The following FBXO42 variants were observed in gnomAD, a reference collection of about 807,000 sequenced individuals.
FBXO42 encodes F-box protein 42.
FBXO42 carries 12 observed loss-of-function variants against 71.7 expected under a neutral mutation model. The ratio of observed to expected loss-of-function variants is 0.17; its 90% CI spans 0.11 to 0.27. The LOEUF is 0.27. Ranked by LOEUF, FBXO42 falls within the 10% of genes least tolerant of loss-of-function variation. FBXO42 has a pLI of 1.00. For synonymous variants in FBXO42, 325 were observed against 327.5 expected, an observed-to-expected ratio of 0.99 and a Z score of 0.08; for missense variants, 707 against 911.9, an observed-to-expected ratio of 0.78 and a Z score of 2.89.
intron 1 of FBXO42, among the ~76,000 whole-genome samples, chr1:16,340,069 G>A (rs557007271): frequency 5.9e-5 from 9 of 152,146 alleles, no homozygotes; most frequent in African/African-American, 2.2e-4. Flanking sequence ...CCCAGCTCTT[G>A]GGAGGCTGAG....
At chr1:16,337,876 T>TC (rs1309493745) in intron 1 of FBXO42, among the ~76,000 whole-genome samples, 2 of 42,182 alleles carry the variant, frequency 4.7e-5, no homozygotes, top group East Asian at 5.3e-3. Context: ...AGAGCGAGAC[T>TC]CCGTCTCAAA....
chr1:16,259,291 G>A (rs1248515475), intron 4 of FBXO42, among the ~76,000 whole-genome samples: 1 of 152,124 alleles, frequency 6.6e-6, no homozygotes, highest in African/African-American at 2.4e-5. Flanking sequence ...ACCAGACAAA[G>A]CTTCCAAGTT....
chr1:16,348,005 A>G (rs1171158344), intron 1 of FBXO42, among the ~76,000 whole-genome samples: 5 of 144,898 alleles, frequency 3.5e-5, no homozygotes, highest in Admixed American at 2.7e-4. Context: ...AAAAAAAAAA[A>G]AAAAGAAAAA....
At chr1:16,269,107 C>CT (rs111496206) in intron 4 of FBXO42, among the ~76,000 whole-genome samples, 23 of 132,978 alleles carry the variant, frequency 1.7e-4, no homozygotes, top group African/African-American at 5.0e-4. Context: ...CCGCACCTGG[C>CT]TTTTTTTTTT....
At chr1:16,330,843 G>A (rs574331434) in intron 1 of FBXO42, among the ~76,000 whole-genome samples, 3 of 152,242 alleles carry the variant, frequency 2.0e-5, no homozygotes, top group South Asian at 4.1e-4. Flanking sequence ...TCAGGAGGCT[G>A]AGGCAGGAGA....
chr1:16,352,417 T>G lies in FBXO42; in HGVS notation c.-180A>C. ...CCCGAGCCGCCCGGAGCCGCCATCT[T>G]CCTCCACTCAAACGCCGCCGCCGCC... On this transcript the variant is annotated 5_prime_UTR_variant, in exon 1 of 10. Transcript: ENST00000375592. 2.5e-6 allele frequency: 1 copy of G among 399,162 alleles called. No homozygotes were observed. The highest frequency in any genetic ancestry group is 4.4e-6 in the Non-Finnish European group (1 of 226,848). 24.7% of individuals were successfully genotyped at this position (399,162 alleles called of 1,614,324 possible).
At chr1:16,304,638 A>AAC (rs944868031) in intron 3 of FBXO42, among the ~76,000 whole-genome samples, 6 of 152,258 alleles carry the variant, frequency 3.9e-5, no homozygotes, top group African/African-American at 1.4e-4. Context: ...CGCTAAGCAT[A>AAC]ACACCTTGAC....
chr1:16,315,272 C>T lies in FBXO42; in HGVS notation c.147G>A (p.Glu49=). 1 of 1,614,160 alleles carries T rather than the reference C, an allele frequency of 6.2e-7. No homozygotes were observed. Among genetic ancestry groups the T allele is most frequent in the Non-Finnish European group, 8.5e-7 (1 of 1,180,028 alleles). ...EETRHNRSMS[E]LPEEVLEYIL... ...TATACTCCAAAACCTCTTCTGGCAG[C>T]TCCGACATGGACCTATTATGTCTAG... Residue 49 remains glutamate, a synonymous_variant, in exon 2 of 10, where the codon GAG becomes GAA. Transcript: ENST00000375592.
chr1:16,335,766 C>T (rs1256207067), intron 1 of FBXO42, among the ~76,000 whole-genome samples: 1 of 150,326 alleles, frequency 6.7e-6, no homozygotes, highest in Non-Finnish European at 1.5e-5. Flanking sequence ...ACTAAGGAGG[C>T]TGAGGCAGGA....
At chr1:16,257,434 T>C (rs1456424963) in intron 4 of FBXO42, among the ~76,000 whole-genome samples, 1 of 152,096 alleles carries the variant, frequency 6.6e-6, no homozygotes, top group Non-Finnish European at 1.5e-5. Context: ...ACCATAAGTC[T>C]TACACCAAAC....
At chr1:16,298,806 G>A (rs1013581121) in intron 3 of FBXO42, among the ~76,000 whole-genome samples, 1 of 151,458 alleles carries the variant, frequency 6.6e-6, no homozygotes, top group Non-Finnish European at 1.5e-5. Flanking sequence ...CACCGCGCCC[G>A]GCCAATGTCC....
At chr1:16,298,165 G>T (rs577430075) in intron 3 of FBXO42, among the ~76,000 whole-genome samples, 18 of 152,258 alleles carry the variant, frequency 1.2e-4, no homozygotes, top group African/African-American at 4.1e-4. Context: ...GGTGGAGGTT[G>T]CAGCGAGCTG....
chr1:16,275,660 T>G (rs1434702055), intron 4 of FBXO42, among the ~76,000 whole-genome samples: 1 of 152,058 alleles, frequency 6.6e-6, no homozygotes, highest in Non-Finnish European at 1.5e-5. Flanking sequence ...TAAAAAGCCA[T>G]AGTTCAAGAG....
intron 3 of FBXO42, among the ~76,000 whole-genome samples, chr1:16,297,727 C>T (rs1341360574): frequency 6.6e-6 from 1 of 151,930 alleles, no homozygotes; most frequent in African/African-American, 2.4e-5. Flanking sequence ...ATTAGCCGGG[C>T]GTGGTGGCAG....
chr1:16,327,656 G>T (rs2082462779), intron 1 of FBXO42, among the ~76,000 whole-genome samples: 1 of 152,194 alleles, frequency 6.6e-6, no homozygotes, highest in African/African-American at 2.4e-5. Context: ...AGAGCTTGAT[G>T]AATTACTGCA....
At chr1:16,325,854 G>T (rs1211196056) in intron 1 of FBXO42, among the ~76,000 whole-genome samples, 2 of 152,076 alleles carry the variant, frequency 1.3e-5, no homozygotes, top group African/African-American at 4.8e-5. Context: ...TCAAACTCCT[G>T]ACCTCAGGTG....
intron 1 of FBXO42, among the ~76,000 whole-genome samples, chr1:16,331,221 G>A (rs184227994): frequency 0.014 from 2,067 of 148,324 alleles, 25 homozygotes; most frequent in Non-Finnish European, 0.019. Flanking sequence ...AGACCATCCT[G>A]GCTAACACGG....
chr1:16,247,293 T>G lies in FBXO42; in HGVS notation c.*3377A>C, dbSNP rs2081543848. The stretch of plus-strand genomic sequence containing the variant: ...CGTGGTTAGATCCTCCCCACTGACT[T>G]GTGCGCTGGTAAGAGACCATGGATA... On this transcript the variant is annotated 3_prime_UTR_variant, in exon 10 of 10. Coordinates refer to ENST00000375592, the MANE Select transcript of FBXO42 (RefSeq NM_018994.3). 1 of 152,250 alleles carries G rather than the reference T, an allele frequency of 6.6e-6. No individual in the cohort carries two copies. Among genetic ancestry groups the G allele is most frequent in the Admixed American group, 6.5e-5 (1 of 15,274 alleles). 9.4% of individuals were successfully genotyped at this position (152,250 alleles called of 1,614,324 possible). A position where few individuals can be genotyped will look rare whatever the true frequency, so the allele number is the denominator to read the frequency against.
chr1:16,334,391 C>G (rs999614259), intron 1 of FBXO42, among the ~76,000 whole-genome samples: 25 of 144,966 alleles, frequency 1.7e-4, no homozygotes, highest in Admixed American at 4.2e-4. Flanking sequence ...GGAGATCGAG[C>G]CTGGGCGACA....
Sources: allele counts gnomAD v4.1 joint callset (sites outside exome capture counted in the v4.1 genomes callset), GRCh38; gene constraint gnomAD v4.1.1; transcripts MANE v1.5; gene names NCBI Gene and HGNC (gene_info 2026-07-23, HGNC 2026-07-21).